SARM1: variants seen among roughly 807,000 people sequenced by gnomAD.
SARM1 encodes sterile alpha and TIR motif containing 1.
In SARM1, 60 loss-of-function variants were observed where a neutral mutation model predicts 65.1. The observed-to-expected ratio is 0.92, with a 90% confidence interval of 0.75 to 1.14. The LOEUF (loss-of-function observed/expected upper bound fraction) is 1.14. Among genes scored for constraint, SARM1 ranks in the 50% most tolerant of loss-of-function variants. SARM1 has a pLI of 0.00. For synonymous variants in SARM1, 417 were observed against 465.4 expected (o/e 0.90, Z 1.34); for missense variants, 913 against 1,015.7 (o/e 0.90, Z 1.37).
Position 28,372,278 on chromosome 17 carries a change from G to T in SARM1, c.246G>T (p.Ala82=), listed in dbSNP as rs1272219942. The T allele has an allele frequency of 7.2e-7, 1 of 1,393,212 alleles. No individual in the cohort carries two copies. The highest frequency in any genetic ancestry group is 9.2e-7 in the Non-Finnish European group (1 of 1,084,618). 86.3% of individuals were successfully genotyped at this position (1,393,212 alleles called of 1,614,324 possible). The change falls in exon 1 of 9, where the codon GCG becomes GCT. Residue 82 remains alanine (A), a synonymous_variant. Coordinates refer to ENST00000585482, the MANE Select transcript of SARM1 (RefSeq NM_015077.4). This position sits in a 1 kb window ranked among gnomAD's most constrained non-coding sequence, Gnocchi z 5.2. ...LQQALSALKQ[A]GGARAVGAGL... Reference sequence around the variant, plus strand: ...AGGCCTTGTCCGCGCTGAAGCAGGCGGGCGGCGCGCGGGCCGTGGGCGCCG... The same window carrying T: ...AGGCCTTGTCCGCGCTGAAGCAGGCTGGCGGCGCGCGGGCCGTGGGCGCCG...
In SARM1 at chr17:28,403,634, G is replaced by C. The variant is rs2142462107; in HGVS notation, c.*7348G>C. On this transcript the variant is annotated 3_prime_UTR_variant, in exon 9 of 9. Transcript: ENST00000585482. Reference sequence around the variant, plus strand: ...CTGCTTAATTGTCAGACAAGCAGTTGAGTTAAGAAATCTGTGATTATTGTA... The same window carrying C: ...CTGCTTAATTGTCAGACAAGCAGTTCAGTTAAGAAATCTGTGATTATTGTA... 1 of 152,090 alleles carries C rather than the reference G, an allele frequency of 6.6e-6. No individual in the cohort carries two copies. Among genetic ancestry groups the C allele is most frequent in the Admixed American group, 6.5e-5 (1 of 15,286 alleles). The allele number at this position is 152,090 out of a possible 1,614,324, so 9.4% of individuals were successfully genotyped here.
intron 1 of SARM1, among the ~76,000 whole-genome samples, chr17:28,378,616 G>T (rs925169596): frequency 1.7e-4 from 26 of 151,432 alleles, no homozygotes; most frequent in East Asian, 3.9e-4. Flanking sequence ...GGTTTTATTG[G>T]TTTTTTTGTT....
chr17:28,383,926 G>C (rs1233663518), intron 2 of SARM1, among the ~76,000 whole-genome samples: 3 of 152,188 alleles, frequency 2.0e-5, no homozygotes, highest in Non-Finnish European at 4.4e-5. Context: ...AAGAACTAAG[G>C]GTTTGGAAAC....
At chr17:28,392,994 C>T (rs1555587126) in intron 7 of SARM1, among the ~76,000 whole-genome samples, 1 of 152,182 alleles carries the variant, frequency 6.6e-6, no homozygotes, top group African/African-American at 2.4e-5. Context: ...AGTAAAATCC[C>T]TTTGGTTCCC....
In SARM1 at chr17:28,381,679, G is replaced by A. The variant is rs2068025856; in HGVS notation, c.947G>A (p.Ser316Asn). ...TTCGCCCGCTGTCTGGTGGACGCCAGCGACACAAGCCAGGGCCGCGGGCCC... is the reference window on the plus strand; with the variant it reads ...TTCGCCCGCTGTCTGGTGGACGCCAACGACACAAGCCAGGGCCGCGGGCCC... Reference protein sequence around the residue: ...GRFARCLVDASDTSQGRGPDD... With the variant: ...GRFARCLVDANDTSQGRGPDD... Residue 316 changes from serine to asparagine, a missense_variant, in exon 2 of 9, where the codon AGC (serine) becomes AAC (asparagine). This residue lies in a region of SARM1 where 862 missense variants were observed against 952.1 expected (regional missense o/e 0.91). Coordinates refer to ENST00000585482, the MANE Select transcript of SARM1 (RefSeq NM_015077.4). 6.4e-7 allele frequency: 1 copy of A among 1,560,348 alleles called. No individual in the cohort carries two copies. The highest frequency in any genetic ancestry group is 8.7e-7 in the Non-Finnish European group (1 of 1,154,176).
At position 28,388,558 on chromosome 17, in the gene SARM1, T is replaced by A; in HGVS notation, c.1923+19T>A. 1 of 1,607,714 alleles carries A rather than the reference T, an allele frequency of 6.2e-7. No individual in the cohort carries two copies. The highest frequency in any genetic ancestry group is 8.5e-7 in the Non-Finnish European group (1 of 1,178,196). On this transcript the variant is annotated intron_variant, in intron 7 of 8. Transcript: ENST00000585482. ...GCATAAGGTAGGTGCCTGCCTATGCTTCTGCGGTCCCAGCATTGGCCTGTG... is the reference window on the plus strand; with the variant it reads ...GCATAAGGTAGGTGCCTGCCTATGCATCTGCGGTCCCAGCATTGGCCTGTG...
Position 28,384,728 on chromosome 17 carries a change from A to G in SARM1, c.1303-111A>G. On this transcript the variant is annotated intron_variant, in intron 3 of 8. Transcript: ENST00000585482. The surrounding 1 kb of genome is among the most constrained non-coding windows in gnomAD (Gnocchi z 4.4). ...CGTTAGGGTCACTCGGCTCTGATCT[A>G]GGTCCCATCCGCCTCCTCCACGCCA... The G allele has an allele frequency of 8.1e-7, 1 of 1,232,658 alleles. No individual in the cohort carries two copies. The highest frequency in any genetic ancestry group is 1.2e-6 in the Non-Finnish European group (1 of 865,474). The allele number at this position is 1,232,658 out of a possible 1,614,324, so 76.4% of individuals were successfully genotyped here. A position where few individuals can be genotyped will look rare whatever the true frequency, so the allele number is the denominator to read the frequency against.
chr17:28,375,839 T>A (rs2067985839), intron 1 of SARM1, among the ~76,000 whole-genome samples: 1 of 152,136 alleles, frequency 6.6e-6, no homozygotes, highest in Admixed American at 6.5e-5. Flanking sequence ...AAAAATTTTT[T>A]AAAAGTTCTT....
Position 28,396,227 on chromosome 17 carries a change from G to A in SARM1, c.2116G>A (p.Asp706Asn). ...IRFLQGRSSR[D>N]SSAGSDTSLE... ...CTTCCTGCAGGGCCGCTCCTCCCGG[G>A]ACTCATCTGCAGGCTCTGACACCAG... The change falls in exon 9 of 9, where the codon GAC becomes AAC. Residue 706 changes from aspartate (D) to asparagine (N), a missense_variant. Coordinates refer to ENST00000585482, the MANE Select transcript of SARM1 (RefSeq NM_015077.4). 1.2e-6 allele frequency: 2 copies of A among 1,614,004 alleles called. No individual in the cohort carries two copies. Among genetic ancestry groups the A allele is most frequent in the Non-Finnish European group, 1.7e-6 (2 of 1,179,876 alleles).
chr17:28,382,072 G>A (rs2068027973), intron 2 of SARM1, among the ~76,000 whole-genome samples: 1 of 152,132 alleles, frequency 6.6e-6, no homozygotes, highest in African/African-American at 2.4e-5. Context: ...GATCATCCTA[G>A]CTGCTGTGTG....
intron 2 of SARM1, among the ~76,000 whole-genome samples, chr17:28,383,883 C>T (rs1555585586): frequency 6.6e-6 from 1 of 152,118 alleles, no homozygotes; most frequent in Non-Finnish European, 1.5e-5. Context: ...GTAGGATTTC[C>T]GTGGAGTGGG....
At chr17:28,392,920 T>C (rs1555587116) in intron 7 of SARM1, among the ~76,000 whole-genome samples, 1 of 152,116 alleles carries the variant, frequency 6.6e-6, no homozygotes, top group Non-Finnish European at 1.5e-5. Flanking sequence ...TAAAACTCCT[T>C]TCCCTGAAGC....
chr17:28,396,035 C>G lies in SARM1; in HGVS notation c.2045+9C>G. The stretch of plus-strand genomic sequence containing the variant: ...ACTTTCAACGGTATCAAGTGAGCCC[C>G]AGGGCCCTGGGACCAGGGGGGTAGG... On this transcript the variant is annotated intron_variant, in intron 8 of 8. Transcript: ENST00000585482. 1 of 1,613,892 alleles carries G rather than the reference C, an allele frequency of 6.2e-7. No homozygotes were observed. The highest frequency in any genetic ancestry group is 8.5e-7 in the Non-Finnish European group (1 of 1,179,856).
At chr17:28,390,660 G>A (rs1464795939) in intron 7 of SARM1, among the ~76,000 whole-genome samples, 3 of 151,844 alleles carry the variant, frequency 2.0e-5, no homozygotes, top group Non-Finnish European at 4.4e-5. Flanking sequence ...GGCTCCTTAG[G>A]TAGGAATTTG....
At position 28,381,433 on chromosome 17, in the gene SARM1, C is replaced by T. The variant is rs782269035; in HGVS notation, c.701C>T (p.Ala234Val). The T allele has an allele frequency of 2.6e-6, 4 of 1,543,964 alleles. No individual in the cohort carries two copies. Among genetic ancestry groups the T allele is most frequent in the Admixed American group, 2.0e-5 (1 of 49,542 alleles). Residue 234 changes from alanine (A) to valine (V), a missense_variant, in exon 2 of 9, where the codon GCG becomes GTG. Physicochemically the swap from Ala to Val is moderately conservative, Grantham distance 64. This residue lies in a region of SARM1 where 862 missense variants were observed against 952.1 expected (regional missense o/e 0.91). Coordinates refer to ENST00000585482, the MANE Select transcript of SARM1 (RefSeq NM_015077.4). ...TGCGCGCTGGCGCTGGGCAACTGCG[C>T]GCTGCACGGGGGCCAGGCGGTGCAG... Reference protein sequence around the residue: ...RHCALALGNCALHGGQAVQRR... With the variant: ...RHCALALGNCVLHGGQAVQRR...
Position 28,384,976 on chromosome 17 carries a change from C to T in SARM1, c.1394+46C>T. Reference sequence around the variant, plus strand: ...CGGACCCCAGCTAGGTCTAAATAAGCTCCCCCTCCGCCCACAGCCCGTCCG... The same window carrying T: ...CGGACCCCAGCTAGGTCTAAATAAGTTCCCCCTCCGCCCACAGCCCGTCCG... On this transcript the variant is annotated intron_variant, in intron 4 of 8. Coordinates refer to ENST00000585482, the MANE Select transcript of SARM1 (RefSeq NM_015077.4). The surrounding 1 kb of genome is among the most constrained non-coding windows in gnomAD (Gnocchi z 4.4). The T allele has an allele frequency of 6.3e-7, 1 of 1,594,440 alleles. No homozygotes were observed. The highest frequency in any genetic ancestry group is 8.6e-7 in the Non-Finnish European group (1 of 1,169,496).
At position 28,400,716 on chromosome 17, in the gene SARM1, C is replaced by T; in HGVS notation, c.*4430C>T. 1.2e-6 allele frequency: 2 copies of T among 1,604,760 alleles called. No homozygotes were observed. Among genetic ancestry groups the T allele is most frequent in the South Asian group, 1.1e-5 (1 of 89,478 alleles). ...TAGAGTGAGTTGAAGATGCCGGAGG[C>T]CGTCAGCATGGCCAGGCTATTCACA... On this transcript the variant is annotated 3_prime_UTR_variant, in exon 9 of 9. Coordinates refer to ENST00000585482, the MANE Select transcript of SARM1 (RefSeq NM_015077.4).
chr17:28,371,998 T>C lies in SARM1; in HGVS notation c.-35T>C. On this transcript the variant is annotated 5_prime_UTR_variant, in exon 1 of 9. Coordinates refer to ENST00000585482, the MANE Select transcript of SARM1 (RefSeq NM_015077.4). Reference sequence around the variant, plus strand: ...CCGGGTCTCTCCGCGTGGCCCCGCCTCCAGGCCGGGGATGTCCCCCGCGGC... The same window carrying C: ...CCGGGTCTCTCCGCGTGGCCCCGCCCCCAGGCCGGGGATGTCCCCCGCGGC... 1 of 1,420,854 alleles carries C rather than the reference T, an allele frequency of 7.0e-7. No individual in the cohort carries two copies. 88.0% of individuals were successfully genotyped at this position (1,420,854 alleles called of 1,614,324 possible).
intron 7 of SARM1, among the ~76,000 whole-genome samples, chr17:28,392,318 A>G (rs1401871335): frequency 2.0e-5 from 3 of 151,892 alleles, no homozygotes; most frequent in Middle Eastern, 3.4e-3. Context: ...GGGTTTCACC[A>G]TCTTGGCCAA....
Sources: gnomAD v4.1 joint callset for allele counts (sites outside exome capture counted in the v4.1 genomes callset) on GRCh38, gnomAD v4.1.1 for gene constraint, gnomAD v4.1.1 regional missense constraint, Gnocchi (gnomAD v3.1) non-coding constraint, MANE v1.5 for transcripts, NCBI Gene and HGNC (gene_info 2026-07-23, HGNC 2026-07-21) for gene names.